Variants in RBFOX1 observed in about 807,000 individuals in gnomAD.
RBFOX1 encodes the protein RNA binding fox-1 homolog 1, also known as RNA binding protein fox-1 homolog 1.
Under a neutral mutation model 57.7 loss-of-function variants are expected in RBFOX1, and 8 were observed. The observed-to-expected ratio is 0.14, with a 90% CI of 0.08 to 0.25. The LOEUF is 0.25. RBFOX1 is among the 10% of genes least tolerant of loss of function. The pLI, the probability that RBFOX1 is intolerant of heterozygous loss-of-function variation, is 1.00. For missense variants in RBFOX1, 611 were observed against 548.5 expected (o/e 1.11, Z -1.14); for synonymous variants, 326 against 222.4 (o/e 1.47, Z -4.15).
chr16:5,945,282 C>A (rs891117794), intron 4 of RBFOX1, among the ~76,000 whole-genome samples: 1 of 152,166 alleles, frequency 6.6e-6, no homozygotes, highest in Non-Finnish European at 1.5e-5. Flanking sequence ...CGAGGACCCA[C>A]ACATGGTCTG....
At position 7,557,493 on chromosome 16, in the gene RBFOX1, G is replaced by A. The variant is rs144852333; in HGVS notation, c.271-22284G>A. Among the ~76,000 whole-genome samples the A allele has an allele frequency of 3.3e-3, 498 of 151,298 alleles. 3 individuals carry two copies. Among genetic ancestry groups the A allele is most frequent in the African/African-American group, 0.011 (463 of 41,194 alleles). On this transcript the variant is annotated intron_variant, in intron 5 of 15. Transcript: ENST00000550418. ...AAATTAGCCAGGCATGGTGGTGGGT[G>A]CCTGTAATCCCACCTACTCGAGAGG...
chr16:6,734,961 G>A lies in RBFOX1; in HGVS notation c.-16+80311G>A, dbSNP rs77686943. 1.3e-3 allele frequency among the ~76,000 whole-genome samples: 203 copies of A among 152,238 alleles called. 1 individual carries two copies. Among genetic ancestry groups the A allele is most frequent in the African/African-American group, 4.6e-3 (193 of 41,544 alleles). On this transcript the variant is annotated intron_variant, in intron 3 of 15. Transcript: ENST00000550418. Reference sequence around the variant, plus strand: ...TTAAGACTGGCATGGGCAACACAGTGAGACTGTGTTTCTATAATTTTTTTT... The same window carrying A: ...TTAAGACTGGCATGGGCAACACAGTAAGACTGTGTTTCTATAATTTTTTTT...
chr16:6,002,331 GCT>G (rs1015265793), intron 4 of RBFOX1, among the ~76,000 whole-genome samples: 18 of 152,268 alleles, frequency 1.2e-4, no homozygotes, highest in African/African-American at 4.1e-4. Flanking sequence ...AGGCTAATTT[GCT>G]CTCAAGAACT....
intron 5 of RBFOX1, among the ~76,000 whole-genome samples, chr16:7,526,073 C>T (rs1321963069): frequency 6.6e-6 from 1 of 152,174 alleles, no homozygotes; most frequent in Non-Finnish European, 1.5e-5. Context: ...GTCAGATCAA[C>T]AATGGCATTA....
chr16:6,111,871 G>C (rs887919318), intron 1 of RBFOX1, among the ~76,000 whole-genome samples: 2 of 152,136 alleles, frequency 1.3e-5, no homozygotes, highest in Non-Finnish European at 2.9e-5. Flanking sequence ...GACAAAAAGG[G>C]GTAAGTGTAT....
chr16:7,140,751 A>C (rs1337486392), intron 4 of RBFOX1, among the ~76,000 whole-genome samples: 1 of 152,160 alleles, frequency 6.6e-6, no homozygotes, highest in Non-Finnish European at 1.5e-5. Context: ...TTGAATGAGG[A>C]AATATTTATG....
At chr16:7,494,795 C>G (rs1488887068) in intron 4 of RBFOX1, among the ~76,000 whole-genome samples, 10 of 145,324 alleles carry the variant, frequency 6.9e-5, no homozygotes, top group South Asian at 2.2e-4. Context: ...TTCCCAAATG[C>G]TTGAGCTCCT....
intron 4 of RBFOX1, among the ~76,000 whole-genome samples, chr16:7,080,477 C>T (rs1024972188): frequency 2.6e-5 from 4 of 152,116 alleles, no homozygotes; most frequent in African/African-American, 9.7e-5. Flanking sequence ...GAGCCTCATT[C>T]CTTAGGGAAT....
intron 2 of RBFOX1, among the ~76,000 whole-genome samples, chr16:6,580,684 G>A (rs1020803076): frequency 6.6e-6 from 1 of 152,156 alleles, no homozygotes; most frequent in Non-Finnish European, 1.5e-5. Flanking sequence ...AACCTGCAAG[G>A]TAGGCATCAT....
At position 6,611,349 on chromosome 16, in the gene RBFOX1, G is replaced by T. The variant is rs888189278; in HGVS notation, c.-63-43254G>T. On this transcript the variant is annotated intron_variant, in intron 2 of 15. Transcript: ENST00000550418. ...TTTAGTAGAGACAGGGTTTTGCCAT[G>T]TTGGCCAGGCTGATCTCAAACTCCT... 2.0e-5 allele frequency among the ~76,000 whole-genome samples: 3 copies of T among 152,106 alleles called. No individual in the cohort carries two copies. In the East Asian group the frequency reaches 5.8e-4, roughly 29 times the overall value.
intron 4 of RBFOX1, among the ~76,000 whole-genome samples, chr16:7,239,965 G>C (rs541832006): frequency 6.6e-6 from 1 of 152,040 alleles, no homozygotes; most frequent in Non-Finnish European, 1.5e-5. Context: ...GAAACTATAA[G>C]ATGATGGTGA....
intron 1 of RBFOX1, among the ~76,000 whole-genome samples, chr16:5,276,644 A>T (rs900719994): frequency 6.6e-6 from 1 of 152,136 alleles, no homozygotes; most frequent in Non-Finnish European, 1.5e-5. Context: ...TTAGCCGGGC[A>T]TGGTGGCGGT....
chr16:7,476,307 A>C (rs370600287), intron 4 of RBFOX1, among the ~76,000 whole-genome samples: 1 of 152,198 alleles, frequency 6.6e-6, no homozygotes, highest in African/African-American at 2.4e-5. Context: ...TTACCCTCAC[A>C]ATTACAAGCT....
chr16:5,597,948 A>G (rs913083927), intron 2 of RBFOX1, among the ~76,000 whole-genome samples: 3 of 152,150 alleles, frequency 2.0e-5, no homozygotes, highest in African/African-American at 7.2e-5. Context: ...GACGGGGCTG[A>G]GGTTAAGACC....
At chr16:6,798,544 A>G (rs796498936) in intron 3 of RBFOX1, among the ~76,000 whole-genome samples, 7 of 152,234 alleles carry the variant, frequency 4.6e-5, no homozygotes, top group African/African-American at 1.7e-4. Flanking sequence ...AACACCCCCA[A>G]TTCTAACTGC....
intron 4 of RBFOX1, among the ~76,000 whole-genome samples, chr16:5,935,524 G>A (rs1449848523): frequency 8.5e-5 from 13 of 152,174 alleles, no homozygotes. Flanking sequence ...TAGGGCCGGT[G>A]GACAGTGGCC....
intron 3 of RBFOX1, among the ~76,000 whole-genome samples, chr16:7,047,452 A>G (rs551810007): frequency 6.6e-6 from 1 of 152,192 alleles, no homozygotes; most frequent in African/African-American, 2.4e-5. Flanking sequence ...CCTTACAAGC[A>G]TTGCATTGTT....
intron 4 of RBFOX1, among the ~76,000 whole-genome samples, chr16:7,323,907 G>T (rs1193263235): frequency 2.0e-5 from 3 of 150,264 alleles, no homozygotes; most frequent in Non-Finnish European, 4.4e-5. Context: ...ATGATGAGTG[G>T]ATGGGTGGGT....
chr16:5,699,021 T>G (rs937452590), intron 3 of RBFOX1, among the ~76,000 whole-genome samples: 2 of 148,520 alleles, frequency 1.3e-5, no homozygotes, highest in South Asian at 4.3e-4. Flanking sequence ...AGAGTCTTGC[T>G]CTGTTGCCCG....
Sources: allele counts gnomAD v4.1 joint callset (sites outside exome capture counted in the v4.1 genomes callset), GRCh38; gene constraint gnomAD v4.1.1; transcripts MANE v1.5; gene names NCBI Gene and HGNC (gene_info 2026-07-23, HGNC 2026-07-21).